The following WWOX variants were observed in gnomAD, a reference collection of about 807,000 sequenced individuals.
WWOX encodes WW domain-containing oxidoreductase.
WWOX carries 69 observed loss-of-function variants against 46.2 expected under a neutral mutation model. The observed-to-expected ratio is 1.49, with a 90% CI of 1.23 to 1.82. WWOX has a LOEUF of 1.82. WWOX is among the 40% of genes most tolerant of loss of function. WWOX has a pLI of 0.00. For synonymous variants in WWOX, 359 were observed against 202.6 expected (o/e 1.77, Z -6.56); for missense variants, 919 against 542.6 (o/e 1.69, Z -6.89).
chr16:79,185,120 T>G (rs1490946612), intron 8 of WWOX, among the ~76,000 whole-genome samples: 1 of 152,220 alleles, frequency 6.6e-6, no homozygotes, highest in African/African-American at 2.4e-5. Context: ...ACTATTGAAT[T>G]GAGAATGGCT....
At position 78,734,934 on chromosome 16, in the gene WWOX, C is replaced by G. The variant is rs142568091; in HGVS notation, c.1056+302182C>G. 3.0e-3 allele frequency among the ~76,000 whole-genome samples: 400 copies of G among 132,836 alleles called. 5 individuals are homozygous for G. Among genetic ancestry groups the G allele is most frequent in the Middle Eastern group, 0.024 (5 of 212 alleles). 87.1% of individuals were successfully genotyped at this position (132,836 alleles called of 152,430 possible). A position where few individuals can be genotyped will look rare whatever the true frequency, so the allele number is the denominator to read the frequency against. ...AGGCTGGAGTGCAGTGACGCAATCT[C>G]AGCTCACTACAACCTCAGCCTCCCA... On this transcript the variant is annotated intron_variant, in intron 8 of 8. Coordinates refer to ENST00000566780, the MANE Select transcript of WWOX (RefSeq NM_016373.4).
At chr16:79,049,641 G>A (rs2048129203) in intron 8 of WWOX, among the ~76,000 whole-genome samples, 1 of 152,092 alleles carries the variant, frequency 6.6e-6, no homozygotes, top group South Asian at 2.1e-4. Context: ...TTCAAGACCA[G>A]CCTGGCCATG....
chr16:79,118,753 G>A (rs954208736), intron 8 of WWOX, among the ~76,000 whole-genome samples: 54 of 152,300 alleles, frequency 3.5e-4, no homozygotes, highest in African/African-American at 1.2e-3. Context: ...GTTGTGTGGT[G>A]TTTGTCCCAC....
chr16:79,099,195 G>T (rs1465194864), intron 8 of WWOX, among the ~76,000 whole-genome samples: 1 of 152,072 alleles, frequency 6.6e-6, no homozygotes, highest in African/African-American at 2.4e-5. Flanking sequence ...CCTTCATGAG[G>T]GATCCGTCCC....
chr16:79,112,380 G>T (rs1001685536), intron 8 of WWOX, among the ~76,000 whole-genome samples: 1 of 152,114 alleles, frequency 6.6e-6, no homozygotes, highest in Non-Finnish European at 1.5e-5. Context: ...GAGAGTTGGG[G>T]AACATAATTT....
chr16:78,781,126 G>C (rs1430739243), intron 8 of WWOX, among the ~76,000 whole-genome samples: 1 of 152,182 alleles, frequency 6.6e-6, no homozygotes, highest in Admixed American at 6.5e-5. Context: ...GTTTCTGACA[G>C]GTAAATCAAG....
At chr16:79,109,701 T>C (rs979681134) in intron 8 of WWOX, among the ~76,000 whole-genome samples, 1 of 152,234 alleles carries the variant, frequency 6.6e-6, no homozygotes, top group Non-Finnish European at 1.5e-5. Context: ...TAAATTATGA[T>C]ATTCATAGAA....
Position 78,104,121 on chromosome 16 carries a change from T to C in WWOX, c.107+4236T>C, listed in dbSNP as rs140323783. On this transcript the variant is annotated intron_variant, in intron 1 of 8. Transcript: ENST00000566780. ...TGTTTGCCCTTCCCCGTGCCTCTTA[T>C]GAAGCTCAGGCCTTTTGGCAGTCAG... 1.4e-3 allele frequency among the ~76,000 whole-genome samples: 213 copies of C among 152,122 alleles called. 1 individual carries two copies. The highest frequency in any genetic ancestry group is 5.0e-3 in the African/African-American group (207 of 41,514).
At chr16:78,795,382 T>G (rs2050710319) in intron 8 of WWOX, among the ~76,000 whole-genome samples, 1 of 152,130 alleles carries the variant, frequency 6.6e-6, no homozygotes, top group African/African-American at 2.4e-5. Flanking sequence ...TTCCTGGCTG[T>G]TTTGTGAATG....
chr16:78,293,497 A>G (rs1299433096), intron 5 of WWOX, among the ~76,000 whole-genome samples: 3 of 152,048 alleles, frequency 2.0e-5, no homozygotes, highest in African/African-American at 7.2e-5. Flanking sequence ...CGGTGGTTCT[A>G]AGCTCTATGG....
chr16:78,979,188 C>T lies in WWOX; in HGVS notation c.1057-232420C>T, dbSNP rs142114586. ...TATGCTACATGCATGTGGCTTCCCC[C>T]GTTACAAAAAGAATTCACATTATTA... is the stretch of plus-strand genomic sequence containing the variant. On this transcript the variant is annotated intron_variant, in intron 8 of 8. Transcript: ENST00000566780. 3.4e-4 allele frequency among the ~76,000 whole-genome samples: 51 copies of T among 152,062 alleles called. 1 individual carries two copies. The East Asian group carries it at 6.8e-3, about 20-fold the overall frequency.
chr16:78,652,671 C>T (rs975498713), intron 8 of WWOX, among the ~76,000 whole-genome samples: 1 of 152,264 alleles, frequency 6.6e-6, no homozygotes, highest in Admixed American at 6.5e-5. Context: ...CTGGATTTAT[C>T]ATCCTCAAGA....
chr16:78,326,051 G>A (rs1243612715), intron 5 of WWOX, among the ~76,000 whole-genome samples: 1 of 152,132 alleles, frequency 6.6e-6, no homozygotes, highest in Non-Finnish European at 1.5e-5. Flanking sequence ...CCCTTAAGCA[G>A]AAGGGGGAGG....
chr16:78,698,935 T>C (rs2048155594), intron 8 of WWOX, among the ~76,000 whole-genome samples: 1 of 152,228 alleles, frequency 6.6e-6, no homozygotes, highest in African/African-American at 2.4e-5. Context: ...CATTCTGTAA[T>C]GATTATCATT....
chr16:78,421,104 G>T (rs1237464050), intron 6 of WWOX, among the ~76,000 whole-genome samples: 1 of 152,110 alleles, frequency 6.6e-6, no homozygotes, highest in Non-Finnish European at 1.5e-5. Flanking sequence ...ACGTTTATAT[G>T]AATTTTGAAT....
At chr16:79,042,728 G>GTTTTTTTTTTTTTTTTTTTTTT (rs11379084) in intron 8 of WWOX, among the ~76,000 whole-genome samples, 2 of 143,126 alleles carry the variant, frequency 1.4e-5, no homozygotes, top group African/African-American at 2.6e-5. Flanking sequence ...AATACTCAGG[G>GTTTTTTTTTTTTTTTTTTTTTT]TTTTTTTTTT....
rs575141458 is a variant in WWOX at position 78,859,387 on chromosome 16, G to A, written c.1057-352221G>A. 5.3e-5 allele frequency among the ~76,000 whole-genome samples: 8 copies of A among 152,018 alleles called. No homozygotes were observed. The South Asian group carries it at 1.7e-3, about 32-fold the overall frequency. On this transcript the variant is annotated intron_variant, in intron 8 of 8. Transcript: ENST00000566780. ...GCTCTGCCTTCCAGAAAAGAGCAGA[G>A]GTACCTTGCAGTACTTTTGGGAATC...
chr16:78,112,626 C>G (rs1193497418), intron 3 of WWOX, among the ~76,000 whole-genome samples: 1 of 149,556 alleles, frequency 6.7e-6, no homozygotes, highest in East Asian at 2.0e-4. Context: ...TTTTCCTCAA[C>G]TAATTAAGGG....
At chr16:78,615,696 A>C (rs865912841) in intron 8 of WWOX, among the ~76,000 whole-genome samples, 99 of 145,826 alleles carry the variant, frequency 6.8e-4, no homozygotes, top group African/African-American at 2.5e-3. Context: ...ATAAATAAAC[A>C]GTAGTGGTTG....
Sources: gnomAD v4.1 joint callset for allele counts (sites outside exome capture counted in the v4.1 genomes callset) on GRCh38, gnomAD v4.1.1 for gene constraint, MANE v1.5 for transcripts, NCBI Gene and HGNC (gene_info 2026-07-23, HGNC 2026-07-21) for gene names.